The following SCML4 variants were observed in gnomAD, a reference collection of about 807,000 sequenced individuals.
SCML4 encodes sex comb on midleg-like protein 4.
In SCML4, 34 loss-of-function variants were observed where a neutral mutation model predicts 41.1. That is an observed-to-expected ratio of 0.83 (90% confidence interval 0.63 to 1.10). SCML4 has a LOEUF of 1.10. Among genes scored for constraint, SCML4 ranks in the 50% least tolerant of loss-of-function variants. SCML4 has a pLI of 0.00. For synonymous variants in SCML4, 214 were observed against 220.9 expected, an observed-to-expected ratio of 0.97 and a Z score of 0.28; for missense variants, 522 against 534.1, an observed-to-expected ratio of 0.98 and a Z score of 0.22.
chr6:107,764,081 C>T (rs78423224), intron 2 of SCML4, among the ~76,000 whole-genome samples: 286 of 152,356 alleles, frequency 1.9e-3, no homozygotes, highest in African/African-American at 6.3e-3. Context: ...CATTGAATAA[C>T]TCACCATGTT....
intron 1 of SCML4, among the ~76,000 whole-genome samples, chr6:107,808,068 C>T (rs560368248): frequency 2.0e-5 from 3 of 152,244 alleles, no homozygotes; most frequent in East Asian, 1.9e-4. Flanking sequence ...TTGCACATCT[C>T]GCCCAATTAC....
chr6:107,719,753 G>A (rs1201006946), intron 6 of SCML4: 3 of 231,800 alleles, frequency 1.3e-5, no homozygotes, highest in Non-Finnish European at 2.1e-5. Context: ...CAATTTTATA[G>A]GTGAGGAAAC....
In SCML4 at chr6:107,749,153, A is replaced by T. The variant is rs117798413; in HGVS notation, c.286+531T>A. Among the ~76,000 whole-genome samples the T allele has an allele frequency of 5.9e-3, 898 of 152,012 alleles. 12 individuals carry two copies. The East Asian group carries it at 0.063, about 11-fold the overall frequency. On this transcript the variant is annotated intron_variant, in intron 3 of 7. Transcript: ENST00000369020. ...GTGTGTGTGCATGTGCGTGTGTGTG[A>T]GAGAGAGATACCATCAGCTTGTCAT...
rs1785143483 is a variant in SCML4 at position 107,824,133 on chromosome 6, T to A, written c.-67A>T. On this transcript the variant is annotated 5_prime_UTR_variant, in exon 1 of 8. It adds an upstream start codon to the 5' untranslated region. Transcript: ENST00000369020. ...ATTGTGCATCTCCCTTACCTACAGC[T>A]TGTTCACCAGAGCCCTGAGCAGGTT... 6.6e-6 allele frequency: 1 copy of A among 152,216 alleles called. No homozygotes were observed. Among genetic ancestry groups the A allele is most frequent in the South Asian group, 2.1e-4 (1 of 4,836 alleles). The allele number at this position is 152,216 out of a possible 1,614,324, so 9.4% of individuals were successfully genotyped here.
intron 5 of SCML4, among the ~76,000 whole-genome samples, chr6:107,728,730 C>T (rs1353114273): frequency 6.6e-6 from 1 of 152,164 alleles, no homozygotes; most frequent in Non-Finnish European, 1.5e-5. Context: ...AAATAGGCTT[C>T]GGAGGGCATC....
intron 1 of SCML4, among the ~76,000 whole-genome samples, chr6:107,795,694 A>T (rs987560935): frequency 6.6e-6 from 1 of 151,738 alleles, no homozygotes; most frequent in African/African-American, 2.4e-5. Flanking sequence ...CACCTGGCTA[A>T]TTTTTTTTAT....
At chr6:107,751,635 TTTCTTTCTTTC>T (rs1297524021) in intron 2 of SCML4, among the ~76,000 whole-genome samples, 60 of 147,160 alleles carry the variant, frequency 4.1e-4, no homozygotes, top group African/African-American at 1.4e-3. Context: ...TCTTTCTTTC[TTTCTTTCTTTC>T]TTTTTTGAGA....
At chr6:107,833,743 T>C in the SCML4 span, among the ~76,000 whole-genome samples, 1 of 152,156 alleles carries the variant, frequency 6.6e-6, no homozygotes, top group African/African-American at 2.4e-5. Context: ...TAGCAAAACC[T>C]AAAAATTAGA....
the SCML4 span, among the ~76,000 whole-genome samples, chr6:107,837,642 A>C: frequency 6.6e-6 from 1 of 152,122 alleles, no homozygotes; most frequent in African/African-American, 2.4e-5. Context: ...ATGATATCCC[A>C]TCCCTCAGGG....
chr6:107,785,193 T>C (rs947387093), intron 1 of SCML4, among the ~76,000 whole-genome samples: 7 of 152,314 alleles, frequency 4.6e-5, no homozygotes, highest in African/African-American at 1.4e-4. Context: ...GGTCAAGGAG[T>C]GCATTCTTCT....
chr6:107,717,682 G>A (rs1774973799), intron 6 of SCML4, among the ~76,000 whole-genome samples: 7 of 152,174 alleles, frequency 4.6e-5, no homozygotes, highest in Admixed American at 4.6e-4. Context: ...CAAGTAGCTG[G>A]TATTACAGGC....
intron 2 of SCML4, among the ~76,000 whole-genome samples, chr6:107,752,259 G>C (rs1208132048): frequency 1.3e-5 from 2 of 151,964 alleles, no homozygotes; most frequent in Admixed American, 6.6e-5. Flanking sequence ...GGCTAGAGAA[G>C]ATCAGGGGTG....
At chr6:107,775,130 A>C (rs1258338017) in intron 1 of SCML4, among the ~76,000 whole-genome samples, 2 of 152,234 alleles carry the variant, frequency 1.3e-5, no homozygotes, top group Admixed American at 1.3e-4. Context: ...CTTCAGCACC[A>C]TCAGCCAGAA....
chr6:107,808,517 C>T (rs901743642), intron 1 of SCML4, among the ~76,000 whole-genome samples: 1 of 152,086 alleles, frequency 6.6e-6, no homozygotes, highest in African/African-American at 2.4e-5. Flanking sequence ...AGTGATCCTC[C>T]CACCGCGGCC....
chr6:107,785,731 G>A (rs1781837903), intron 1 of SCML4, among the ~76,000 whole-genome samples: 1 of 152,238 alleles, frequency 6.6e-6, no homozygotes, highest in South Asian at 2.1e-4. Flanking sequence ...TAGTAAGGGA[G>A]AGGAGACATC....
chr6:107,781,917 T>A (rs1781529839), intron 1 of SCML4, among the ~76,000 whole-genome samples: 1 of 152,138 alleles, frequency 6.6e-6, no homozygotes, highest in South Asian at 2.1e-4. Context: ...GTCCTAGTAA[T>A]GGGCCCTCGC....
intron 1 of SCML4, among the ~76,000 whole-genome samples, chr6:107,798,887 A>C (rs948613589): frequency 6.6e-6 from 1 of 152,050 alleles, no homozygotes; most frequent in African/African-American, 2.4e-5. Flanking sequence ...TTTAATTTCT[A>C]CATATTTGGG....
chr6:107,779,170 A>C (rs1781288022), intron 1 of SCML4, among the ~76,000 whole-genome samples: 1 of 143,972 alleles, frequency 6.9e-6, no homozygotes, highest in Non-Finnish European at 1.5e-5. Flanking sequence ...ACAGAGGGAG[A>C]CTCCATCTCA....
At chr6:107,821,676 C>A (rs937310073) in intron 1 of SCML4, among the ~76,000 whole-genome samples, 6 of 152,290 alleles carry the variant, frequency 3.9e-5, no homozygotes, top group Non-Finnish European at 1.5e-5. Flanking sequence ...GGGGTAGTGT[C>A]ACCTGCCACG....
Sources: allele counts gnomAD v4.1 joint callset (sites outside exome capture counted in the v4.1 genomes callset), GRCh38; gene constraint gnomAD v4.1.1; transcripts MANE v1.5; gene names NCBI Gene and HGNC (gene_info 2026-07-23, HGNC 2026-07-21).